Variants in BAALC observed in about 807,000 individuals in gnomAD.
BAALC encodes the protein brain and acute leukemia cytoplasmic protein.
BAALC carries 9 observed loss-of-function variants against 15.5 expected under a neutral mutation model. The observed-to-expected ratio is 0.58, with a 90% CI of 0.35 to 1.02. The LOEUF is 1.02. Ranked by LOEUF, BAALC falls within the 50% of genes least tolerant of loss-of-function variation. The pLI, the probability that BAALC is intolerant of heterozygous loss-of-function variation, is 0.02. For synonymous variants in BAALC, 80 were observed against 74.6 expected (o/e 1.07, Z -0.37); for missense variants, 201 against 192.4 (o/e 1.04, Z -0.27).
chr8:103,200,202 A>C (rs981910669), intron 1 of BAALC, among the ~76,000 whole-genome samples: 1 of 152,242 alleles, frequency 6.6e-6, no homozygotes, highest in Non-Finnish European at 1.5e-5. Flanking sequence ...AAAAAATAAC[A>C]GATGCTGGTG....
chr8:103,221,021 A>G (rs1055144001), intron 2 of BAALC, among the ~76,000 whole-genome samples: 4 of 152,180 alleles, frequency 2.6e-5, no homozygotes, highest in Non-Finnish European at 4.4e-5. Context: ...AAGTGAGAAA[A>G]GGCTGAACAA....
intron 1 of BAALC, among the ~76,000 whole-genome samples, chr8:103,156,415 C>T (rs1417230348): frequency 6.6e-6 from 1 of 152,144 alleles, no homozygotes; most frequent in Non-Finnish European, 1.5e-5. Context: ...AATATGGCAT[C>T]ACGCAGAGTA....
At chr8:103,183,478 G>A in intron 1 of BAALC, 2 of 702,932 alleles carry the variant, frequency 2.8e-6, no homozygotes, top group Non-Finnish European at 5.2e-6. Context: ...ACAGGTAAGA[G>A]AGGGTATGGG....
At chr8:103,186,842 G>A (rs940320327) in intron 1 of BAALC, among the ~76,000 whole-genome samples, 1 of 152,160 alleles carries the variant, frequency 6.6e-6, no homozygotes, top group African/African-American at 2.4e-5. Context: ...TATGGTTCAA[G>A]GTTATGCAAT....
chr8:103,151,178 C>T (rs554431216), intron 1 of BAALC, among the ~76,000 whole-genome samples: 11 of 152,078 alleles, frequency 7.2e-5, no homozygotes, highest in Middle Eastern at 3.4e-3. Flanking sequence ...CCACCACGCC[C>T]GGCTAATTTT....
intron 1 of BAALC, among the ~76,000 whole-genome samples, chr8:103,151,701 C>T (rs936804147): frequency 2.6e-5 from 4 of 152,002 alleles, no homozygotes; most frequent in Non-Finnish European, 5.9e-5. Context: ...CATTAATATG[C>T]GGTGACAGAC....
At chr8:103,157,605 T>C (rs1277067438) in intron 1 of BAALC, among the ~76,000 whole-genome samples, 2 of 152,150 alleles carry the variant, frequency 1.3e-5, no homozygotes, top group African/African-American at 4.8e-5. Flanking sequence ...CCTATGAGTA[T>C]GAGACCGTCC....
intron 1 of BAALC, among the ~76,000 whole-genome samples, chr8:103,160,738 C>T (rs1029898499): frequency 6.6e-6 from 1 of 152,016 alleles, no homozygotes; most frequent in African/African-American, 2.4e-5. Flanking sequence ...CGTTTGAGTC[C>T]CAAAACAAAG....
intron 1 of BAALC, among the ~76,000 whole-genome samples, chr8:103,207,262 G>A (rs1475586372): frequency 6.6e-6 from 1 of 152,200 alleles, no homozygotes; most frequent in Non-Finnish European, 1.5e-5. Flanking sequence ...TAAGATAAAA[G>A]CAAACAGAAG....
intron 1 of BAALC, among the ~76,000 whole-genome samples, chr8:103,210,853 C>A (rs1242263394): frequency 6.6e-6 from 1 of 152,138 alleles, no homozygotes; most frequent in Non-Finnish European, 1.5e-5. Flanking sequence ...ATACTGTTGG[C>A]AGATGGTCAA....
chr8:103,149,543 T>C (rs774325336), intron 1 of BAALC, among the ~76,000 whole-genome samples: 1 of 152,238 alleles, frequency 6.6e-6, no homozygotes, highest in Admixed American at 6.5e-5. Context: ...TCAGGTCCCA[T>C]GAAGACGATG....
chr8:103,193,872 G>A (rs1812030851), intron 1 of BAALC, among the ~76,000 whole-genome samples: 1 of 152,204 alleles, frequency 6.6e-6, no homozygotes, highest in Admixed American at 6.5e-5. Flanking sequence ...CTGGTACACA[G>A]TGAACCAGCC....
In BAALC at chr8:103,227,974, T is replaced by C; in HGVS notation, c.328-15T>C. On this transcript the variant is annotated splice_polypyrimidine_tract_variant and intron_variant, in intron 2 of 2. Transcript: ENST00000309982. The stretch of plus-strand genomic sequence containing the variant: ...CATTTCCTAGTAACTCAATTCACTG[T>C]TTTCAACTTAACAGGCTAAAAGAGA... 1 of 1,579,936 alleles carries C rather than the reference T, an allele frequency of 6.3e-7. No homozygotes were observed. The highest frequency in any genetic ancestry group is 8.7e-7 in the Non-Finnish European group (1 of 1,150,520).
chr8:103,222,146 C>G (rs1021603804), intron 2 of BAALC, among the ~76,000 whole-genome samples: 1 of 151,986 alleles, frequency 6.6e-6, no homozygotes, highest in African/African-American at 2.4e-5. Flanking sequence ...ATTGTGGAGA[C>G]CAAGTTTTAT....
intron 1 of BAALC, among the ~76,000 whole-genome samples, chr8:103,168,779 T>A (rs890832046): frequency 6.6e-6 from 1 of 152,160 alleles, no homozygotes; most frequent in Non-Finnish European, 1.5e-5. Flanking sequence ...ATAGTTCCTG[T>A]ATTCTGTGTC....
intron 1 of BAALC, among the ~76,000 whole-genome samples, chr8:103,186,769 T>C (rs1256308061): frequency 6.6e-6 from 1 of 152,224 alleles, no homozygotes; most frequent in Non-Finnish European, 1.5e-5. Flanking sequence ...ATCCTGTGGC[T>C]ATAAGTAAAT....
intron 1 of BAALC, among the ~76,000 whole-genome samples, chr8:103,171,505 A>C (rs1811494389): frequency 6.6e-6 from 1 of 152,212 alleles, no homozygotes; most frequent in African/African-American, 2.4e-5. Context: ...ATCTTCATTC[A>C]TTTTGACCTG....
At chr8:103,212,825 C>T in intron 1 of BAALC, 94 bp from the exon 2 acceptor site, 1 of 1,392,430 alleles carries the variant, frequency 7.2e-7, no homozygotes, top group South Asian at 1.6e-5. Flanking sequence ...TTTGTTTTTT[C>T]ATTTTGACTA....
chr8:103,148,938 A>G (rs4734071), intron 1 of BAALC, among the ~76,000 whole-genome samples: 53,836 of 152,064 alleles, frequency 0.35, 9,634 homozygotes, highest in Middle Eastern at 0.48. Flanking sequence ...TGCATTTACT[A>G]TATGTGAGAA....
Sources: allele counts gnomAD v4.1 joint callset (sites outside exome capture counted in the v4.1 genomes callset), GRCh38; gene constraint gnomAD v4.1.1; transcripts MANE v1.5; gene names NCBI Gene and HGNC (gene_info 2026-07-23, HGNC 2026-07-21).